KDM4B: variants seen among roughly 807,000 people sequenced by gnomAD.
KDM4B encodes the protein lysine-specific demethylase 4B.
Under a neutral mutation model 125.2 loss-of-function variants are expected in KDM4B, and 32 were observed. The ratio of observed to expected loss-of-function variants is 0.26; its 90% CI spans 0.19 to 0.34. The LOEUF (loss-of-function observed/expected upper bound fraction) is 0.34. KDM4B is among the 10% of genes least tolerant of loss of function. KDM4B has a pLI of 1.00. For missense variants in KDM4B, 1,190 were observed against 1,577.7 expected (o/e 0.75, Z 4.16); for synonymous variants, 721 against 677.9 (o/e 1.06, Z -0.99).
In KDM4B at chr19:5,142,542, C is replaced by A. The variant is rs1056995087; in HGVS notation, c.2551-1425C>A. Among the ~76,000 whole-genome samples the A allele has an allele frequency of 3.9e-5, 6 of 152,120 alleles. No individual in the cohort carries two copies. Among genetic ancestry groups the A allele is most frequent in the Non-Finnish European group, 8.8e-5 (6 of 67,998 alleles). ...GGATGGTGCTGGGCACCAGCCTGCC[C>A]CGGGGCTGGGTTTCTCCTGGGCCTG... is the stretch of plus-strand genomic sequence containing the variant. On this transcript the variant is annotated intron_variant, in intron 18 of 22. Coordinates refer to ENST00000159111, the MANE Select transcript of KDM4B (RefSeq NM_015015.3). This position sits in a 1 kb window ranked among gnomAD's most constrained non-coding sequence, Gnocchi z 5.4.
At chr19:5,001,776 A>G (rs1267579249) in intron 1 of KDM4B, among the ~76,000 whole-genome samples, 1 of 152,172 alleles carries the variant, frequency 6.6e-6, no homozygotes, top group Admixed American at 6.5e-5. Context: ...GTGCTGAGAA[A>G]TGGGGGCTCA....
chr19:5,126,819 G>A (rs2039457937), intron 11 of KDM4B, among the ~76,000 whole-genome samples: 1 of 152,246 alleles, frequency 6.6e-6, no homozygotes, highest in African/African-American at 2.4e-5. Flanking sequence ...TGAGACCGGG[G>A]CTGGTTGGCC....
intron 9 of KDM4B, among the ~76,000 whole-genome samples, chr19:5,095,810 C>T (rs1005291826): frequency 5.3e-5 from 8 of 152,234 alleles, no homozygotes; most frequent in African/African-American, 1.9e-4. Context: ...GACCCTCCCC[C>T]AGCAGCTGCA....
Position 5,011,629 on chromosome 19 carries a change from A to G in KDM4B, c.-108-4628A>G, listed in dbSNP as rs2035730911. On this transcript the variant is annotated intron_variant, in intron 1 of 22. Coordinates refer to ENST00000159111, the MANE Select transcript of KDM4B (RefSeq NM_015015.3). ...GCCCTGGGCCATCCCGGCTCAGGCAACCTCGCCAGGCGTGCAGGTGAGAGG... is the reference window on the plus strand; with the variant it reads ...GCCCTGGGCCATCCCGGCTCAGGCAGCCTCGCCAGGCGTGCAGGTGAGAGG... Among the ~76,000 whole-genome samples the G allele has an allele frequency of 3.3e-5, 5 of 152,126 alleles. No homozygotes were observed. In the South Asian group the frequency reaches 8.3e-4, roughly 25 times the overall value.
In KDM4B at chr19:4,973,582, G is replaced by T. The variant is rs568245817; in HGVS notation, c.-109+4352G>T. Among the ~76,000 whole-genome samples, 20 of 152,182 alleles carry T rather than the reference G, an allele frequency of 1.3e-4. 1 individual carries two copies. The highest frequency in any genetic ancestry group is 1.3e-3 in the Admixed American group (20 of 15,268). On this transcript the variant is annotated intron_variant, in intron 1 of 22. Coordinates refer to ENST00000159111, the MANE Select transcript of KDM4B (RefSeq NM_015015.3). ...TGTATCTTCCCAAATACTGAGGGGG[G>T]AGTGGATTGACGAATTGATGTTTCT... is the stretch of plus-strand genomic sequence containing the variant.
intron 3 of KDM4B, among the ~76,000 whole-genome samples, chr19:5,034,705 C>G (rs906987190): frequency 1.3e-5 from 2 of 152,208 alleles, no homozygotes; most frequent in African/African-American, 4.8e-5. Flanking sequence ...TGTCAGTAGC[C>G]TTCGTCTCTC....
intron 1 of KDM4B, among the ~76,000 whole-genome samples, chr19:5,000,752 G>C (rs2035358518): frequency 6.6e-6 from 1 of 152,052 alleles, no homozygotes; most frequent in Non-Finnish European, 1.5e-5. Flanking sequence ...TGGTTTACTT[G>C]TTTTTGTTTG....
chr19:5,122,731 G>GC (rs899001831), intron 11 of KDM4B, among the ~76,000 whole-genome samples: 9 of 152,324 alleles, frequency 5.9e-5, no homozygotes, highest in African/African-American at 2.2e-4. Context: ...GAGGGGCTCA[G>GC]CCCCCCAAGG....
intron 10 of KDM4B, chr19:5,111,537 G>T (rs751883381): frequency 2.6e-6 from 2 of 763,856 alleles, no homozygotes; most frequent in South Asian, 2.7e-5. Context: ...TTCATGCCCA[G>T]AGTGAAGGCG....
chr19:4,985,907 C>G (rs1204115554), intron 1 of KDM4B, among the ~76,000 whole-genome samples: 1 of 152,198 alleles, frequency 6.6e-6, no homozygotes, highest in Admixed American at 6.5e-5. Context: ...GGCGCCCAGC[C>G]CTCCACCTCT....
chr19:5,086,267 C>T, intron 9 of KDM4B, among the ~76,000 whole-genome samples: 1 of 150,888 alleles, frequency 6.6e-6, no homozygotes, highest in African/African-American at 2.4e-5. Flanking sequence ...CACCCTCCTG[C>T]CCTGGCCGGG....
At chr19:4,972,708 A>G (rs140700717) in intron 1 of KDM4B, among the ~76,000 whole-genome samples, 19 of 152,270 alleles carry the variant, frequency 1.2e-4, no homozygotes, top group African/African-American at 4.6e-4. Context: ...GATGGGCCTC[A>G]GCTCCCTTTC....
At chr19:5,069,086 T>A (rs1205064603) in intron 6 of KDM4B, among the ~76,000 whole-genome samples, 1 of 152,156 alleles carries the variant, frequency 6.6e-6, no homozygotes, top group Non-Finnish European at 1.5e-5. Context: ...CTCATCTTTA[T>A]GTAAATCATA....
chr19:5,047,174 A>G (rs1311729012), intron 5 of KDM4B: 2 of 322,732 alleles, frequency 6.2e-6, no homozygotes, highest in Non-Finnish European at 1.1e-5. Flanking sequence ...TCTCACGCCT[A>G]TAGCCTATAG....
At chr19:5,108,040 A>AGGGGATGCATCTGGAGCC (rs1254459787) in intron 9 of KDM4B, among the ~76,000 whole-genome samples, 1 of 152,210 alleles carries the variant, frequency 6.6e-6, no homozygotes, top group Non-Finnish European at 1.5e-5. Flanking sequence ...CCCCTGGAGC[A>AGGGGATGCATCTGGAGCC]GGGGATGCAT....
At chr19:5,133,146 A>T (rs541908956) in intron 13 of KDM4B, among the ~76,000 whole-genome samples, 12 of 152,252 alleles carry the variant, frequency 7.9e-5, no homozygotes, top group Admixed American at 7.8e-4. Context: ...TCCACAGGAG[A>T]TGCAGGGAGG....
chr19:5,080,097 G>A (rs925756103), intron 8 of KDM4B, among the ~76,000 whole-genome samples: 3 of 152,236 alleles, frequency 2.0e-5, no homozygotes, highest in African/African-American at 7.2e-5. Flanking sequence ...GCTGCACGTG[G>A]CTGTCACTTG....
At chr19:4,998,154 G>A (rs1366366350) in intron 1 of KDM4B, among the ~76,000 whole-genome samples, 10 of 152,184 alleles carry the variant, frequency 6.6e-5, no homozygotes, top group Non-Finnish European at 1.5e-4. Context: ...TCGCCTGGGG[G>A]CAGTGGACGG....
At chr19:5,009,877 G>A (rs1355402150) in intron 1 of KDM4B, among the ~76,000 whole-genome samples, 1 of 152,114 alleles carries the variant, frequency 6.6e-6, no homozygotes. Flanking sequence ...GATTACAGGT[G>A]CCTTCCACTA....
Sources: allele counts gnomAD v4.1 joint callset (sites outside exome capture counted in the v4.1 genomes callset), GRCh38; gene constraint gnomAD v4.1.1; non-coding constraint Gnocchi (gnomAD v3.1); transcripts MANE v1.5; gene names NCBI Gene and HGNC (gene_info 2026-07-23, HGNC 2026-07-21).